Variants in UNC5D observed in about 807,000 individuals in gnomAD.
UNC5D encodes unc-5 netrin receptor D.
Under a neutral mutation model 105.4 loss-of-function variants are expected in UNC5D, and 39 were observed. The ratio of observed to expected loss-of-function variants is 0.37; its 90% confidence interval spans 0.29 to 0.48. The LOEUF is 0.48. UNC5D is among the 20% of genes least tolerant of loss of function. The pLI, the probability that UNC5D is intolerant of heterozygous loss-of-function variation, is 0.98. For missense variants in UNC5D, 991 were observed against 1,202.4 expected, an observed-to-expected ratio of 0.82 and a Z score of 2.60; for synonymous variants, 452 against 450.4, an observed-to-expected ratio of 1.00 and a Z score of -0.04.
intron 1 of UNC5D, among the ~76,000 whole-genome samples, chr8:35,246,586 T>G (rs1803116072): frequency 6.6e-6 from 1 of 152,076 alleles, no homozygotes; most frequent in East Asian, 1.9e-4. Flanking sequence ...TTCTTTCTTT[T>G]TTTTAGTAGA....
At chr8:35,725,642 A>G (rs1043233830) in intron 9 of UNC5D, among the ~76,000 whole-genome samples, 3 of 152,094 alleles carry the variant, frequency 2.0e-5, no homozygotes, top group African/African-American at 7.2e-5. Flanking sequence ...CAGAATCTGC[A>G]CAGAATTCCG....
At chr8:35,601,505 G>A (rs547271509) in intron 4 of UNC5D, among the ~76,000 whole-genome samples, 1 of 152,218 alleles carries the variant, frequency 6.6e-6, no homozygotes, top group East Asian at 1.9e-4. Context: ...TCCATGAAGA[G>A]GTCCTTCACA....
In UNC5D at chr8:35,447,661, A is replaced by G. The variant is rs993252413; in HGVS notation, c.104-101631A>G. On this transcript the variant is annotated intron_variant, in intron 1 of 16. Coordinates refer to ENST00000404895, the MANE Select transcript of UNC5D (RefSeq NM_080872.4). ...GACAATTGTGTCCCCGCATATCCCA[A>G]TGAACAACATATTTTATTAAAACAG... Among the ~76,000 whole-genome samples, 4 of 152,126 alleles carry G rather than the reference A, an allele frequency of 2.6e-5. No homozygotes were observed. The East Asian group carries it at 5.8e-4, about 22-fold the overall frequency.
chr8:35,633,466 TACAGGGC>T (rs919111915), intron 4 of UNC5D, among the ~76,000 whole-genome samples: 4 of 152,060 alleles, frequency 2.6e-5, no homozygotes, highest in Non-Finnish European at 4.4e-5. Context: ...TCCTTTTTTG[TACAGGGC>T]ACGGTGGCTC....
chr8:35,675,179 A>G (rs1223796144), intron 4 of UNC5D, among the ~76,000 whole-genome samples: 2 of 152,220 alleles, frequency 1.3e-5, no homozygotes, highest in African/African-American at 4.8e-5. Flanking sequence ...CTCTCTCAGC[A>G]GTCTTACTCT....
intron 1 of UNC5D, among the ~76,000 whole-genome samples, chr8:35,328,737 G>A (rs1007730389): frequency 6.6e-6 from 1 of 152,286 alleles, no homozygotes; most frequent in African/African-American, 2.4e-5. Context: ...CAAGGTGTAA[G>A]CTTCTTCCAA....
chr8:35,362,070 AG>A (rs1381857328), intron 1 of UNC5D, among the ~76,000 whole-genome samples: 1 of 152,202 alleles, frequency 6.6e-6, no homozygotes, highest in Non-Finnish European at 1.5e-5. Flanking sequence ...ATTAATCTGT[AG>A]TATCAGACAT....
chr8:35,303,678 G>T (rs1448536498), intron 1 of UNC5D, among the ~76,000 whole-genome samples: 1 of 152,078 alleles, frequency 6.6e-6, no homozygotes, highest in Non-Finnish European at 1.5e-5. Flanking sequence ...GAAGTTAATG[G>T]GCTCGAATGC....
chr8:35,674,997 C>T (rs1454073498), intron 4 of UNC5D, among the ~76,000 whole-genome samples: 3 of 152,126 alleles, frequency 2.0e-5, no homozygotes, highest in African/African-American at 7.2e-5. Flanking sequence ...GTCTCTCTAC[C>T]CTGTCCCACT....
chr8:35,338,603 A>G (rs1214696409), intron 1 of UNC5D, among the ~76,000 whole-genome samples: 1 of 152,120 alleles, frequency 6.6e-6, no homozygotes, highest in Non-Finnish European at 1.5e-5. Context: ...CAGGACTGGC[A>G]TCTGGCCAGT....
At chr8:35,749,454 C>T (rs977334654) in intron 12 of UNC5D, among the ~76,000 whole-genome samples, 8 of 152,158 alleles carry the variant, frequency 5.3e-5, no homozygotes, top group African/African-American at 1.9e-4. Context: ...CTGTTCCAGC[C>T]AGCCCTAGGG....
At chr8:35,567,757 C>G (rs1201301767) in intron 2 of UNC5D, among the ~76,000 whole-genome samples, 1 of 152,094 alleles carries the variant, frequency 6.6e-6, no homozygotes, top group African/African-American at 2.4e-5. Flanking sequence ...TTTGTGGAGG[C>G]CTCTTTGGCT....
intron 7 of UNC5D, among the ~76,000 whole-genome samples, chr8:35,702,169 A>T (rs775934407): frequency 9.2e-5 from 14 of 152,032 alleles, no homozygotes; most frequent in African/African-American, 2.9e-4. Context: ...TTTTTCCTAA[A>T]CTATAGCTCA....
chr8:35,397,411 G>A (rs1285526158), intron 1 of UNC5D, among the ~76,000 whole-genome samples: 1 of 152,196 alleles, frequency 6.6e-6, no homozygotes, highest in South Asian at 2.1e-4. Context: ...CCAGGCAAGG[G>A]CCAGCCTAGT....
chr8:35,378,604 G>A (rs1241685451), intron 1 of UNC5D, among the ~76,000 whole-genome samples: 2 of 152,182 alleles, frequency 1.3e-5, no homozygotes, highest in Non-Finnish European at 2.9e-5. Context: ...GGCTGCACCT[G>A]CCTGATCTTG....
At chr8:35,786,845 C>A (rs1459415443) in intron 16 of UNC5D, among the ~76,000 whole-genome samples, 1 of 152,158 alleles carries the variant, frequency 6.6e-6, no homozygotes, top group Non-Finnish European at 1.5e-5. Context: ...TGGTGGCCTG[C>A]AGGCCACATT....
chr8:35,689,007 T>C (rs1486608456), intron 7 of UNC5D, among the ~76,000 whole-genome samples: 2 of 152,244 alleles, frequency 1.3e-5, no homozygotes, highest in Non-Finnish European at 2.9e-5. Flanking sequence ...TATTTGGCCA[T>C]GATTATAAAT....
intron 1 of UNC5D, among the ~76,000 whole-genome samples, chr8:35,422,041 A>G (rs781429281): frequency 2.0e-5 from 3 of 152,168 alleles, no homozygotes; most frequent in African/African-American, 4.8e-5. Context: ...GGCTTTTTTA[A>G]CTCTGAAATG....
At chr8:35,343,871 C>T (rs1046011879) in intron 1 of UNC5D, among the ~76,000 whole-genome samples, 22 of 152,112 alleles carry the variant, frequency 1.4e-4, no homozygotes, top group African/African-American at 4.6e-4. Context: ...TATTTAAGGA[C>T]TGCTTTTATC....
Sources: gnomAD v4.1 joint callset for allele counts (sites outside exome capture counted in the v4.1 genomes callset) on GRCh38, gnomAD v4.1.1 for gene constraint, MANE v1.5 for transcripts, NCBI Gene and HGNC (gene_info 2026-07-23, HGNC 2026-07-21) for gene names.